Variants in WWOX observed in about 807,000 individuals in gnomAD.
The protein encoded by WWOX is WW domain containing oxidoreductase.
WWOX carries 69 observed loss-of-function variants against 46.2 expected under a neutral mutation model. The ratio of observed to expected loss-of-function variants is 1.49; its 90% CI spans 1.23 to 1.82. The LOEUF (loss-of-function observed/expected upper bound fraction) is 1.82. Among genes scored for constraint, WWOX ranks in the 40% most tolerant of loss-of-function variants. The pLI, the probability that WWOX is intolerant of heterozygous loss-of-function variation, is 0.00. For missense variants in WWOX, 919 were observed against 542.6 expected (o/e 1.69, Z -6.89); for synonymous variants, 359 against 202.6 (o/e 1.77, Z -6.56).
At chr16:78,357,487 C>G (rs1339361859) in intron 5 of WWOX, among the ~76,000 whole-genome samples, 1 of 152,132 alleles carries the variant, frequency 6.6e-6, no homozygotes, top group Non-Finnish European at 1.5e-5. Flanking sequence ...CAATCTGTAA[C>G]CTTCCTGCAA....
chr16:78,885,057 G>A (rs2044424993), intron 8 of WWOX, among the ~76,000 whole-genome samples: 1 of 152,058 alleles, frequency 6.6e-6, no homozygotes, highest in South Asian at 2.1e-4. Flanking sequence ...AACCAACATG[G>A]CACCCCAGGT....
rs376605759 is a variant in WWOX, at chr16:78,546,224, T to C, written c.1056+113472T>C. ...TAGAACAGATGACTCTAACCTTGTG[T>C]AGGAGCTAGAGAAGGCTTCTCTGAG... On this transcript the variant is annotated intron_variant, in intron 8 of 8. Transcript: ENST00000566780. 2.6e-5 allele frequency among the ~76,000 whole-genome samples: 4 copies of C among 152,130 alleles called. No homozygotes were observed. The East Asian group carries it at 5.8e-4, about 22-fold the overall frequency.
chr16:78,722,006 T>C (rs2048703977), intron 8 of WWOX, among the ~76,000 whole-genome samples: 1 of 152,250 alleles, frequency 6.6e-6, no homozygotes, highest in Admixed American at 6.5e-5. Flanking sequence ...CCAGGCACTT[T>C]CTTTTTTTCT....
intron 8 of WWOX, among the ~76,000 whole-genome samples, chr16:79,133,354 C>T (rs192605623): frequency 7.9e-5 from 12 of 152,228 alleles, no homozygotes; most frequent in Admixed American, 4.6e-4. Flanking sequence ...TCAACATTAA[C>T]GGGGAACCCA....
intron 8 of WWOX, among the ~76,000 whole-genome samples, chr16:78,946,847 G>T (rs991368737): frequency 6.6e-6 from 1 of 152,246 alleles, no homozygotes; most frequent in Admixed American, 6.5e-5. Flanking sequence ...GGGCGTCACG[G>T]TGTAAGAATG....
chr16:78,509,651 G>A (rs191443204), intron 8 of WWOX, among the ~76,000 whole-genome samples: 1 of 152,234 alleles, frequency 6.6e-6, no homozygotes, highest in African/African-American at 2.4e-5. Context: ...GCGATGGCAG[G>A]ACTATTTACA....
intron 5 of WWOX, among the ~76,000 whole-genome samples, chr16:78,182,497 T>C (rs958085557): frequency 1.3e-5 from 2 of 151,996 alleles, no homozygotes; most frequent in Non-Finnish European, 2.9e-5. Context: ...CTCTGTATCC[T>C]GTGAGTCTCT....
At chr16:78,832,146 C>T (rs1361390057) in intron 8 of WWOX, among the ~76,000 whole-genome samples, 1 of 152,154 alleles carries the variant, frequency 6.6e-6, no homozygotes, top group Non-Finnish European at 1.5e-5. Flanking sequence ...TGCCAGCAAG[C>T]TGTTGGCTGG....
intron 8 of WWOX, among the ~76,000 whole-genome samples, chr16:79,070,715 C>T (rs962811849): frequency 6.6e-6 from 1 of 152,154 alleles, no homozygotes; most frequent in Non-Finnish European, 1.5e-5. Flanking sequence ...GTCAGTGGTG[C>T]AAGCTTCAAG....
chr16:79,097,343 CA>C (rs1176781702), intron 8 of WWOX, among the ~76,000 whole-genome samples: 2 of 146,206 alleles, frequency 1.4e-5, no homozygotes, highest in Non-Finnish European at 3.0e-5. Context: ...TATCTGGCTC[CA>C]AAACTTTTTT....
At chr16:79,019,786 T>C (rs1450841432) in intron 8 of WWOX, among the ~76,000 whole-genome samples, 1 of 152,166 alleles carries the variant, frequency 6.6e-6, no homozygotes, top group Non-Finnish European at 1.5e-5. Context: ...TTGAGTTTAA[T>C]TTCTGCATCA....
At chr16:78,701,095 G>T (rs147704813) in intron 8 of WWOX, among the ~76,000 whole-genome samples, 12 of 152,118 alleles carry the variant, frequency 7.9e-5, no homozygotes, top group African/African-American at 2.9e-4. Flanking sequence ...CTCTTTAAAG[G>T]TGGGCTAGTG....
chr16:78,693,296 C>G (rs929320620), intron 8 of WWOX, among the ~76,000 whole-genome samples: 1 of 152,056 alleles, frequency 6.6e-6, no homozygotes, highest in Non-Finnish European at 1.5e-5. Flanking sequence ...GCTTCCCGTC[C>G]CCACCACTAC....
chr16:78,313,238 A>G (rs999204888), intron 5 of WWOX, among the ~76,000 whole-genome samples: 7 of 152,186 alleles, frequency 4.6e-5, no homozygotes, highest in African/African-American at 1.7e-4. Context: ...TCAGACTGGG[A>G]TCCTTGACTT....
At chr16:79,015,061 A>G (rs1390886093) in intron 8 of WWOX, among the ~76,000 whole-genome samples, 1 of 152,202 alleles carries the variant, frequency 6.6e-6, no homozygotes, top group Non-Finnish European at 1.5e-5. Flanking sequence ...TCCTGCTGTC[A>G]TCCTGAACCT....
intron 8 of WWOX, among the ~76,000 whole-genome samples, chr16:78,936,319 A>G (rs1409862119): frequency 1.3e-5 from 2 of 152,134 alleles, no homozygotes; most frequent in Admixed American, 6.5e-5. Flanking sequence ...GTCCATCCCA[A>G]GCGAGTTTTC....
chr16:79,191,887 A>G (rs72628257), intron 8 of WWOX, among the ~76,000 whole-genome samples: 2 of 152,060 alleles, frequency 1.3e-5, no homozygotes, highest in Admixed American at 6.6e-5. Flanking sequence ...AGTTTAAACA[A>G]AATTAGTGGA....
chr16:79,211,720 G>A lies in WWOX; in HGVS notation c.1169G>A (p.Ser390Asn). The change falls in exon 9 of 9, where the codon AGC (serine) becomes AAC (asparagine). Residue 390 changes from serine (S) to asparagine (N), a missense_variant. Physicochemically the swap from Ser to Asn is conservative, Grantham distance 46. Coordinates refer to ENST00000566780, the MANE Select transcript of WWOX (RefSeq NM_016373.4). ...CRCMPSPEAQSEETARTLWAL... is the reference protein window; with the variant it reads ...CRCMPSPEAQNEETARTLWAL... ...TGCATGCCCTCACCAGAAGCTCAGAGCGAAGAGACGGCCCGGACCCTGTGG... is the reference window on the plus strand; with the variant it reads ...TGCATGCCCTCACCAGAAGCTCAGAACGAAGAGACGGCCCGGACCCTGTGG... The A allele has an allele frequency of 1.2e-6, 2 of 1,614,232 alleles. No homozygotes were observed. The highest frequency in any genetic ancestry group is 2.2e-5 in the East Asian group (1 of 44,870).
chr16:78,866,514 G>A (rs2044007221), intron 8 of WWOX, among the ~76,000 whole-genome samples: 1 of 152,070 alleles, frequency 6.6e-6, no homozygotes, highest in African/African-American at 2.4e-5. Flanking sequence ...ACGAAGAACA[G>A]TTGCTGAAGC....
Sources: gnomAD v4.1 joint callset for allele counts (sites outside exome capture counted in the v4.1 genomes callset) on GRCh38, gnomAD v4.1.1 for gene constraint, MANE v1.5 for transcripts, NCBI Gene and HGNC (gene_info 2026-07-23, HGNC 2026-07-21) for gene names.